The following FN1 variants were observed in gnomAD, a reference collection of about 807,000 sequenced individuals.
FN1 encodes the protein fibronectin.
A neutral mutation model predicts 297.3 loss-of-function variants in FN1; 106 were observed. That is an observed-to-expected ratio of 0.36 (90% CI 0.30 to 0.42). The LOEUF is 0.42. FN1 is among the 10% of genes least tolerant of loss of function. The pLI is 1.00. For missense variants in FN1, 2,690 were observed against 3,124.9 expected (o/e 0.86, Z 3.32); for synonymous variants, 1,149 against 1,152.6 (o/e 1.00, Z 0.06).
intron 23 of FN1, among the ~76,000 whole-genome samples, chr2:215,395,369 C>T (rs1340011721): frequency 2.0e-5 from 3 of 151,924 alleles, no homozygotes; most frequent in African/African-American, 4.8e-5. Flanking sequence ...AAAACCCTGT[C>T]TCTACTAAAA....
intron 44 of FN1, 195 bp from the exon 45 acceptor site, chr2:215,362,274 T>C: frequency 5.0e-6 from 3 of 598,068 alleles, no homozygotes; most frequent in Non-Finnish European, 9.1e-6. Context: ...CCATATCTTA[T>C]ACCTACATCT....
intron 35 of FN1, 132 bp from the exon 36 acceptor site, chr2:215,376,806 T>A (rs2057357680): frequency 2.7e-6 from 2 of 744,228 alleles, no homozygotes; most frequent in African/African-American, 1.8e-5. Context: ...AATGTGTAGA[T>A]TATCTCCTTT....
rs74568245 is a variant in FN1, at chr2:215,423,757, C to A, written c.1217-231G>T. Among the ~76,000 whole-genome samples, 741 of 152,150 alleles carry A rather than the reference C, an allele frequency of 4.9e-3. 5 individuals carry two copies. The highest frequency in any genetic ancestry group is 0.016 in the African/African-American group (675 of 41,516). On this transcript the variant is annotated intron_variant, in intron 8 of 45. Transcript: ENST00000354785. Reference sequence around the variant, plus strand: ...ACTGTCATTTCCCCAGCACCCCCCCCACAAAAGATTAAATGATAGCTTTGA... The same window carrying A: ...ACTGTCATTTCCCCAGCACCCCCCCAACAAAAGATTAAATGATAGCTTTGA...
chr2:215,430,656 T>C, intron 5 of FN1, 59 bp downstream of exon 5: 1 of 1,588,856 alleles, frequency 6.3e-7, no homozygotes, highest in Non-Finnish European at 8.6e-7. Flanking sequence ...TACCCTTCTC[T>C]CTAGGAATCC....
intron 39 of FN1, 69 bp from the exon 40 acceptor site, chr2:215,372,444 TA>T: frequency 8.7e-7 from 1 of 1,151,784 alleles, no homozygotes; most frequent in East Asian, 2.3e-5. Context: ...GCAATGATAA[TA>T]ATCGATTCAG....
At chr2:215,415,080 A>C in intron 12 of FN1, 122 bp from the exon 13 acceptor site, 1 of 710,432 alleles carries the variant, frequency 1.4e-6, no homozygotes, top group Non-Finnish European at 2.5e-6. Context: ...AGTATAATAA[A>C]ATTATCTGGC....
chr2:215,405,729 C>T lies in FN1; in HGVS notation c.2986+509G>A, dbSNP rs146048732. 8.2e-3 allele frequency among the ~76,000 whole-genome samples: 1,250 copies of T among 151,954 alleles called. 12 individuals carry two copies. Among genetic ancestry groups the T allele is most frequent in the African/African-American group, 0.027 (1,131 of 41,414 alleles). On this transcript the variant is annotated intron_variant, in intron 19 of 45. Transcript: ENST00000354785. ...CTGTACTCCAGCCCTGGCGACAGAG[C>T]GAGACTCCATCTCAAAAAAATAAAT...
In FN1 at chr2:215,378,269, A is replaced by C; in HGVS notation, c.5623-7T>G. ...CTTCATATTTGGTGGCCACCTAGAGAAATAAGGGCATGGTGAGCTTTAGCA... is the reference window on the plus strand; with the variant it reads ...CTTCATATTTGGTGGCCACCTAGAGCAATAAGGGCATGGTGAGCTTTAGCA... On this transcript the variant is annotated splice_region_variant and splice_polypyrimidine_tract_variant and intron_variant, in intron 34 of 45. Coordinates refer to ENST00000354785, the MANE Select transcript of FN1 (RefSeq NM_212482.4). 1 of 1,564,880 alleles carries C rather than the reference A, an allele frequency of 6.4e-7. No individual in the cohort carries two copies. The highest frequency in any genetic ancestry group is 8.8e-7 in the Non-Finnish European group (1 of 1,136,344).
intron 12 of FN1, among the ~76,000 whole-genome samples, chr2:215,415,898 T>C (rs896414248): frequency 3.3e-5 from 5 of 152,170 alleles, no homozygotes; most frequent in Admixed American, 1.3e-4. Context: ...ATCTTTATGA[T>C]GTCAGTCAAT....
chr2:215,416,004 T>G (rs188426422), intron 12 of FN1, among the ~76,000 whole-genome samples: 53 of 152,258 alleles, frequency 3.5e-4, no homozygotes, highest in Admixed American at 6.5e-4. Context: ...TTTGTATGTG[T>G]AATAAAGCAC....
rs766714244 is a variant in FN1 at position 215,364,960 on chromosome 2, C to T, written c.7170G>A (p.Gly2390=). Residue 2390 remains glycine, a synonymous_variant, in exon 44 of 46, where the codon GGG becomes GGA. Transcript: ENST00000354785. The part of the protein sequence containing the change: ...DPHEATCYDD[G]KTYHVGEQWQ... The stretch of plus-strand genomic sequence containing the variant: ...ACTGTTCTCCTACGTGGTATGTCTT[C>T]CCATCATCATAACACGTTGCCTCAT... The T allele has an allele frequency of 1.3e-6, 2 of 1,580,232 alleles. No individual in the cohort carries two copies. Among genetic ancestry groups the T allele is most frequent in the Non-Finnish European group, 1.7e-6 (2 of 1,161,794 alleles).
intron 20 of FN1, among the ~76,000 whole-genome samples, chr2:215,401,299 AGAAAGG>A (rs1340228041): frequency 4.8e-5 from 7 of 146,714 alleles, no homozygotes; most frequent in Non-Finnish European, 7.5e-5. Flanking sequence ...AGAGAGAGAG[AGAAAGG>A]AAGGAAGGAA....
In FN1 at chr2:215,430,679, C is replaced by G. The variant is rs2066355314; in HGVS notation, c.685+36G>C. The stretch of plus-strand genomic sequence containing the variant: ...TCTCTAGGAATCCAGAAAACAATAC[C>G]TGGCTTAATCTTTAACATAAAGATG... On this transcript the variant is annotated intron_variant, in intron 5 of 45. Coordinates refer to ENST00000354785, the MANE Select transcript of FN1 (RefSeq NM_212482.4). The G allele has an allele frequency of 3.1e-6, 5 of 1,611,570 alleles. No homozygotes were observed. The Admixed American group carries it at 5.0e-5, about 16-fold the overall frequency.
chr2:215,427,972 T>C (rs908747614), intron 6 of FN1, among the ~76,000 whole-genome samples: 6 of 152,212 alleles, frequency 3.9e-5, no homozygotes, highest in Non-Finnish European at 7.3e-5. Context: ...CTAAGGTTTA[T>C]TTGTATGTCA....
intron 12 of FN1, among the ~76,000 whole-genome samples, chr2:215,415,212 T>TA (rs1250028563): frequency 7.3e-6 from 1 of 136,666 alleles, no homozygotes; most frequent in East Asian, 1.4e-3. Flanking sequence ...AATATATTTT[T>TA]AAAAAAAAGT....
At chr2:215,402,375 G>A (rs2061269075) in intron 20 of FN1, among the ~76,000 whole-genome samples, 1 of 152,138 alleles carries the variant, frequency 6.6e-6, no homozygotes, top group Admixed American at 6.5e-5. Flanking sequence ...AGCTGTTAAA[G>A]AAATAAAATT....
Position 215,420,847 on chromosome 2 carries a change from A to G in FN1, c.1547-46T>C, listed in dbSNP as rs753578884. The G allele has an allele frequency of 1.4e-5, 22 of 1,598,796 alleles. No homozygotes were observed. In the South Asian group the frequency reaches 2.4e-4, roughly 18 times the overall value. On this transcript the variant is annotated intron_variant, in intron 10 of 45. Transcript: ENST00000354785. ...TGAGTGAGAAACTTTTTAAAGTTCC[A>G]TTGATGAAAGAAAAAAGGTATGCTT...
chr2:215,379,334 T>C lies in FN1; in HGVS notation c.5435-17A>G. 1.2e-6 allele frequency: 2 copies of C among 1,610,856 alleles called. No individual in the cohort carries two copies. The highest frequency in any genetic ancestry group is 1.3e-5 in the African/African-American group (1 of 74,936). On this transcript the variant is annotated splice_polypyrimidine_tract_variant and intron_variant, in intron 33 of 45. Coordinates refer to ENST00000354785, the MANE Select transcript of FN1 (RefSeq NM_212482.4). ...CAGGAATAGCTGTCGAGATTGTCAT[T>C]GGTTAGAGGTTATCTTATAGGAAAT... is the stretch of plus-strand genomic sequence containing the variant.
intron 44 of FN1, chr2:215,362,512 A>T (rs2053666367): frequency 1.3e-5 from 3 of 228,430 alleles, no homozygotes; most frequent in Non-Finnish European, 2.7e-5. Flanking sequence ...GAGAGGAGTG[A>T]CTTGCTTAGA....
Sources: gnomAD v4.1 joint callset for allele counts (sites outside exome capture counted in the v4.1 genomes callset) on GRCh38, gnomAD v4.1.1 for gene constraint, MANE v1.5 for transcripts, NCBI Gene and HGNC (gene_info 2026-07-23, HGNC 2026-07-21) for gene names.